The following ADD1 variants were observed in gnomAD, a reference collection of about 807,000 sequenced individuals.
The protein encoded by ADD1 is alpha-adducin.
Under a neutral mutation model 80.5 loss-of-function variants are expected in ADD1, and 24 were observed. That is an observed-to-expected ratio of 0.30 (90% CI 0.22 to 0.42). ADD1 has a LOEUF of 0.42. Among genes scored for constraint, ADD1 ranks in the 10% least tolerant of loss-of-function variants. ADD1 has a pLI of 1.00. For synonymous variants in ADD1, 373 were observed against 393.8 expected, an observed-to-expected ratio of 0.95 and a Z score of 0.63; for missense variants, 948 against 1,019.0, an observed-to-expected ratio of 0.93 and a Z score of 0.95.
chr4:2,925,302 G>A (rs2109217444), intron 14 of ADD1, among the ~76,000 whole-genome samples: 1 of 152,330 alleles, frequency 6.6e-6, no homozygotes. Context: ...GGCCCTGGGA[G>A]CTCAGAAGGA....
Position 2,861,591 on chromosome 4 carries a change from T to G in ADD1, c.-20-14305T>G, listed in dbSNP as rs553125662. Among the ~76,000 whole-genome samples the G allele has an allele frequency of 3.9e-5, 6 of 152,220 alleles. No homozygotes were observed. The South Asian group carries it at 1.2e-3, about 32-fold the overall frequency. ...AGAGTTTAGGGCTAGAGATAAAAAT[T>G]TGGGGCCCATTAGTGTATATAAATC... On this transcript the variant is annotated intron_variant, in intron 1 of 15. Coordinates refer to ENST00000683351, the MANE Select transcript of ADD1 (RefSeq NM_001354761.2).
chr4:2,926,496 C>T lies in ADD1; in HGVS notation c.2047+384C>T, dbSNP rs34209081. On this transcript the variant is annotated intron_variant, in intron 15 of 15. Coordinates refer to ENST00000683351, the MANE Select transcript of ADD1 (RefSeq NM_001354761.2). This position sits in a 1 kb window ranked among gnomAD's most constrained non-coding sequence, Gnocchi z 5.0. ...ACCGTGTGTCTGTGGTGTGTGATCC[C>T]GGGTGTCTGTCCCTCGGTCTCGTAC... 19,403 of 840,636 alleles carry T rather than the reference C, an allele frequency of 0.023. 367 individuals are homozygous for T. The highest frequency in any genetic ancestry group is 0.068 in the African/African-American group (4,037 of 59,684). 52.1% of individuals were successfully genotyped at this position (840,636 alleles called of 1,614,324 possible).
rs1339116611 is a variant in ADD1 at position 2,843,941 on chromosome 4, G to C, written c.-104G>C. 1 of 153,592 alleles carries C rather than the reference G, an allele frequency of 6.5e-6. No individual in the cohort carries two copies. The highest frequency in any genetic ancestry group is 1.9e-4 in the East Asian group (1 of 5,220). 9.5% of individuals were successfully genotyped at this position (153,592 alleles called of 1,614,324 possible). On this transcript the variant is annotated 5_prime_UTR_variant, in exon 1 of 16. Coordinates refer to ENST00000683351, the MANE Select transcript of ADD1 (RefSeq NM_001354761.2). ...GCCGCTGCTGCGGGCCAGGGGACGG[G>C]GGCGGAGCCGGAGCCGGAGCCGACG...
At chr4:2,859,867 A>G (rs1728591702) in intron 1 of ADD1, among the ~76,000 whole-genome samples, 2 of 151,830 alleles carry the variant, frequency 1.3e-5, no homozygotes, top group African/African-American at 4.8e-5. Context: ...TTATAATGAC[A>G]TACTTTTCCA....
intron 4 of ADD1, among the ~76,000 whole-genome samples, chr4:2,885,459 C>T (rs767370283): frequency 6.6e-6 from 1 of 152,192 alleles, no homozygotes; most frequent in African/African-American, 2.4e-5. Flanking sequence ...TGACCTCCTT[C>T]TTCCACCAAA....
At chr4:2,898,617 A>G (rs1735661047) in intron 8 of ADD1, 86 bp downstream of exon 8, 1 of 1,140,772 alleles carries the variant, frequency 8.8e-7, no homozygotes, top group African/African-American at 1.5e-5. Context: ...CTTATCGAGT[A>G]GGAGAGGAGT....
intron 14 of ADD1, among the ~76,000 whole-genome samples, chr4:2,918,559 G>A (rs1002523697): frequency 1.3e-5 from 2 of 152,126 alleles, no homozygotes; most frequent in Non-Finnish European, 2.9e-5. Flanking sequence ...TGTTGAATAC[G>A]AGTGGTGAGA....
At chr4:2,909,266 C>G (rs1184664564) in intron 12 of ADD1, 73 bp from the exon 13 acceptor site, 3 of 1,308,366 alleles carry the variant, frequency 2.3e-6, no homozygotes, top group Non-Finnish European at 3.2e-6. Flanking sequence ...TTAGCCAGCT[C>G]CATCCTGTGC....
chr4:2,911,266 C>A (rs1467413601), intron 13 of ADD1, among the ~76,000 whole-genome samples: 1 of 152,028 alleles, frequency 6.6e-6, no homozygotes, highest in Non-Finnish European at 1.5e-5. Context: ...AAAGGACTTT[C>A]CTTTGCCTTC....
At position 2,926,387 on chromosome 4, in the gene ADD1, ACT is replaced by A. The variant is rs1577760216; in HGVS notation, c.2047+277_2047+278del. On this transcript the variant is annotated intron_variant, in intron 15 of 15. Coordinates refer to ENST00000683351, the MANE Select transcript of ADD1 (RefSeq NM_001354761.2). The surrounding 1 kb of genome is among the most constrained non-coding windows in gnomAD (Gnocchi z 5.0). Reference sequence around the variant, plus strand: ...TGTCCACGTTGCCCATTGCTCGCACACTCCTCGTGCCGTGTTGTCATGCAGAT... The same window carrying A: ...TGTCCACGTTGCCCATTGCTCGCACACCTCGTGCCGTGTTGTCATGCAGAT... The A allele has an allele frequency of 2.9e-6, 2 of 701,282 alleles. No homozygotes were observed. The highest frequency in any genetic ancestry group is 5.2e-6 in the Non-Finnish European group (2 of 386,306). The allele number at this position is 701,282 out of a possible 1,614,324, so 43.4% of individuals were successfully genotyped here. A position where few individuals can be genotyped will look rare whatever the true frequency, so the allele number is the denominator to read the frequency against.
At chr4:2,919,030 G>A (rs990677417) in intron 14 of ADD1, among the ~76,000 whole-genome samples, 9 of 151,772 alleles carry the variant, frequency 5.9e-5, no homozygotes, top group African/African-American at 1.5e-4. Flanking sequence ...TATTAGAGGC[G>A]GGGTTTCACC....
chr4:2,894,341 C>T (rs1241714618), intron 5 of ADD1, among the ~76,000 whole-genome samples: 1 of 151,308 alleles, frequency 6.6e-6, no homozygotes, highest in East Asian at 1.9e-4. Flanking sequence ...CCTGTAATTC[C>T]AGTACTTAAG....
At chr4:2,909,051 C>T (rs1737552810) in intron 12 of ADD1, 1 of 494,672 alleles carries the variant, frequency 2.0e-6, no homozygotes, top group East Asian at 3.7e-5. Context: ...CAAAATGACT[C>T]TACCTTGTGG....
chr4:2,896,303 G>T (rs1307706437), intron 6 of ADD1, among the ~76,000 whole-genome samples: 1 of 151,608 alleles, frequency 6.6e-6, no homozygotes, highest in Non-Finnish European at 1.5e-5. Flanking sequence ...CTGCCCCTCG[G>T]GTTCAAGCAG....
intron 10 of ADD1, among the ~76,000 whole-genome samples, chr4:2,906,620 A>G (rs1157403246): frequency 1.3e-5 from 2 of 152,242 alleles, no homozygotes; most frequent in African/African-American, 2.4e-5. Context: ...GACAGAGTCC[A>G]TGCAGTGCTC....
intron 13 of ADD1, among the ~76,000 whole-genome samples, chr4:2,912,028 A>G (rs1437795368): frequency 6.6e-6 from 1 of 152,230 alleles, no homozygotes; most frequent in Non-Finnish European, 1.5e-5. Context: ...ATGCCAGTCC[A>G]GATCCAAGTT....
chr4:2,868,356 G>A (rs1195533579), intron 1 of ADD1, among the ~76,000 whole-genome samples: 1 of 152,190 alleles, frequency 6.6e-6, no homozygotes, highest in African/African-American at 2.4e-5. Context: ...GGGCGTCCAT[G>A]TCTCTTGGTG....
intron 1 of ADD1, among the ~76,000 whole-genome samples, chr4:2,845,101 T>C (rs1355772051): frequency 2.0e-5 from 3 of 151,164 alleles, no homozygotes; most frequent in Non-Finnish European, 4.4e-5. Flanking sequence ...TGAGACGGAG[T>C]CTCGCTCTGT....
At chr4:2,916,684 C>T (rs1739143355) in intron 14 of ADD1, among the ~76,000 whole-genome samples, 2 of 152,186 alleles carry the variant, frequency 1.3e-5, no homozygotes, top group South Asian at 4.1e-4. Flanking sequence ...TATCCTTCCC[C>T]TAGCCCCACA....
Sources: allele counts gnomAD v4.1 joint callset (sites outside exome capture counted in the v4.1 genomes callset), GRCh38; gene constraint gnomAD v4.1.1; non-coding constraint Gnocchi (gnomAD v3.1); transcripts MANE v1.5; gene names NCBI Gene and HGNC (gene_info 2026-07-23, HGNC 2026-07-21).